Variants in MAST4 observed in about 807,000 individuals in gnomAD.
The protein encoded by MAST4 is microtubule-associated serine/threonine-protein kinase 4.
A neutral mutation model predicts 162.7 loss-of-function variants in MAST4; 89 were observed. That is an observed-to-expected ratio of 0.55 (90% CI 0.46 to 0.65). MAST4 has a LOEUF of 0.65. Ranked by LOEUF, MAST4 falls within the 30% of genes least tolerant of loss-of-function variation. MAST4 has a pLI of 0.00. For synonymous variants in MAST4, 1,479 were observed against 1,361.1 expected (o/e 1.09, Z -1.91); for missense variants, 3,153 against 3,374.0 (o/e 0.93, Z 1.62).
intron 5 of MAST4, among the ~76,000 whole-genome samples, chr5:67,072,147 C>T (rs1015792522): frequency 6.6e-6 from 1 of 152,028 alleles, no homozygotes; most frequent in East Asian, 1.9e-4. Context: ...AGAAAAGTAA[C>T]CATCCAGCAA....
At chr5:66,748,235 A>C (rs2149586507) in intron 1 of MAST4, among the ~76,000 whole-genome samples, 1 of 152,146 alleles carries the variant, frequency 6.6e-6, no homozygotes, top group African/African-American at 2.4e-5. Flanking sequence ...CCTTTTGCCA[A>C]CTGCTGTGTC....
intron 4 of MAST4, among the ~76,000 whole-genome samples, chr5:66,934,101 G>A (rs529105585): frequency 6.6e-6 from 1 of 152,218 alleles, no homozygotes; most frequent in Admixed American, 6.5e-5. Context: ...AAAAAAAGTA[G>A]CATGTAAAGT....
In MAST4 at chr5:67,164,324, C is replaced by T. The variant is rs750013858; in HGVS notation, c.5145C>T (p.His1715=). ...AGCCCAAGATGACAGCTGGCTCCCA[C>T]GAATGCCTGCCAGGGAACCCAGTCC... is the stretch of plus-strand genomic sequence containing the variant. ...VLKPKMTAGS[H]ECLPGNPVRP... The change falls in exon 29 of 29, where the codon CAC becomes CAT. Residue 1715 remains histidine, a synonymous_variant. Transcript: ENST00000403625. The surrounding 1 kb of genome is among the most constrained non-coding windows in gnomAD (Gnocchi z 5.3). 4 of 1,613,916 alleles carry T rather than the reference C, an allele frequency of 2.5e-6. No individual in the cohort carries two copies. The highest frequency in any genetic ancestry group is 2.2e-5 in the South Asian group (2 of 91,058).
chr5:66,963,930 A>G (rs1376940117), intron 4 of MAST4: 1 of 730,258 alleles, frequency 1.4e-6, no homozygotes, highest in Non-Finnish European at 2.5e-6. Flanking sequence ...TTGGTGACTT[A>G]CTTGATCACT....
At chr5:67,089,298 C>T (rs777010986) in intron 5 of MAST4, among the ~76,000 whole-genome samples, 6 of 152,188 alleles carry the variant, frequency 3.9e-5, no homozygotes, top group Middle Eastern at 3.2e-3. Context: ...AACTTGCCCT[C>T]GCCAGCTGCT....
At chr5:67,036,333 T>C (rs1409264298) in intron 4 of MAST4, among the ~76,000 whole-genome samples, 1 of 152,026 alleles carries the variant, frequency 6.6e-6, no homozygotes, top group African/African-American at 2.4e-5. Context: ...GTTAAGAGGT[T>C]AAAATATTCA....
intron 18 of MAST4, among the ~76,000 whole-genome samples, chr5:67,135,958 T>C (rs1769585652): frequency 6.6e-6 from 1 of 152,270 alleles, no homozygotes; most frequent in South Asian, 2.1e-4. Context: ...TGACAGATTT[T>C]AAATACTTCC....
At chr5:66,927,717 G>A (rs557911190) in intron 4 of MAST4, among the ~76,000 whole-genome samples, 22 of 152,298 alleles carry the variant, frequency 1.4e-4, no homozygotes, top group South Asian at 6.2e-4. Flanking sequence ...TTGAAGATGC[G>A]CCATCTGCCT....
intron 1 of MAST4, among the ~76,000 whole-genome samples, chr5:66,614,529 T>A (rs770815260): frequency 3.3e-5 from 5 of 152,210 alleles, no homozygotes; most frequent in Admixed American, 1.3e-4. Context: ...TAGAATTCGT[T>A]GAGTCTTGAT....
chr5:67,163,955 T>C lies in MAST4; in HGVS notation c.4776T>C (p.Ser1592=), dbSNP rs1215022689. 6.2e-7 allele frequency: 1 copy of C among 1,612,570 alleles called. No individual in the cohort carries two copies. Among genetic ancestry groups the C allele is most frequent in the Non-Finnish European group, 8.5e-7 (1 of 1,179,388 alleles). The change falls in exon 29 of 29, where the codon TCT becomes TCC. Residue 1592 remains serine, a synonymous_variant. Transcript: ENST00000403625. This position sits in a 1 kb window ranked among gnomAD's most constrained non-coding sequence, Gnocchi z 7.0. ...ERSSTFENKA[S]MQEAPPLGSL... The stretch of plus-strand genomic sequence containing the variant: ...CAAGTACTTTTGAAAACAAAGCGTC[T>C]ATGCAGGAGGCGCCACCGCTGGGCA...
intron 4 of MAST4, among the ~76,000 whole-genome samples, chr5:66,970,264 G>T (rs777603449): frequency 6.6e-6 from 1 of 152,226 alleles, no homozygotes; most frequent in Non-Finnish European, 1.5e-5. Flanking sequence ...TGTGTGTGCG[G>T]TGCTCCAGAG....
intron 11 of MAST4, among the ~76,000 whole-genome samples, chr5:67,112,268 G>T (rs10461521): frequency 0.024 from 3,704 of 152,190 alleles, 139 homozygotes; most frequent in East Asian, 0.17. Flanking sequence ...ACCAAACTCG[G>T]TTTCTCCTGC....
chr5:66,847,559 C>G (rs1758948060), intron 3 of MAST4, among the ~76,000 whole-genome samples: 1 of 151,980 alleles, frequency 6.6e-6, no homozygotes, highest in Non-Finnish European at 1.5e-5. Context: ...TGCTTGAACC[C>G]AGGAGGCAGA....
chr5:66,645,056 G>A (rs1181469985), intron 1 of MAST4, among the ~76,000 whole-genome samples: 1 of 152,114 alleles, frequency 6.6e-6, no homozygotes, highest in Admixed American at 6.5e-5. Context: ...GAGTCAAACA[G>A]AAAGTGTTGA....
At chr5:66,929,060 G>A (rs1388536768) in intron 4 of MAST4, among the ~76,000 whole-genome samples, 1 of 152,174 alleles carries the variant, frequency 6.6e-6, no homozygotes, top group Non-Finnish European at 1.5e-5. Flanking sequence ...ACATGATTAT[G>A]GAGCTTGAGA....
At chr5:67,014,792 G>A (rs1446580672) in intron 4 of MAST4, among the ~76,000 whole-genome samples, 1 of 152,142 alleles carries the variant, frequency 6.6e-6, no homozygotes, top group East Asian at 1.9e-4. Flanking sequence ...CATTTTAGCA[G>A]GTAGACTTCA....
chr5:66,947,808 A>T (rs1437030396), intron 4 of MAST4, among the ~76,000 whole-genome samples: 2 of 152,154 alleles, frequency 1.3e-5, no homozygotes, highest in Non-Finnish European at 2.9e-5. Context: ...GTATATTTTA[A>T]TTCTTAATGT....
chr5:66,641,996 A>G (rs1479155839), intron 1 of MAST4, among the ~76,000 whole-genome samples: 4 of 152,258 alleles, frequency 2.6e-5, no homozygotes. Flanking sequence ...ATAAATGAAG[A>G]ATTGATACAT....
chr5:67,108,145 A>AT (rs1765802308), intron 10 of MAST4, among the ~76,000 whole-genome samples: 2 of 152,218 alleles, frequency 1.3e-5, no homozygotes, highest in South Asian at 4.1e-4. Flanking sequence ...ACTGATTATG[A>AT]TTTTTGAAAT....
Sources: allele counts gnomAD v4.1 joint callset (sites outside exome capture counted in the v4.1 genomes callset), GRCh38; gene constraint gnomAD v4.1.1; non-coding constraint Gnocchi (gnomAD v3.1); transcripts MANE v1.5; gene names NCBI Gene and HGNC (gene_info 2026-07-23, HGNC 2026-07-21).